The following LRRC4C variants were observed in gnomAD, a reference collection of about 807,000 sequenced individuals.
LRRC4C encodes the protein leucine rich repeat containing 4C.
A neutral mutation model predicts 33.6 loss-of-function variants in LRRC4C; 5 were observed. That is an observed-to-expected ratio of 0.15 (90% CI 0.08 to 0.31). The LOEUF is 0.31. Ranked by LOEUF, LRRC4C falls within the 10% of genes least tolerant of loss-of-function variation. The pLI is 1.00. For missense variants in LRRC4C, 560 were observed against 796.7 expected (o/e 0.70, Z 3.58); for synonymous variants, 329 against 302.0 (o/e 1.09, Z -0.93).
intron 3 of LRRC4C, among the ~76,000 whole-genome samples, chr11:40,498,964 T>C (rs1314794018): frequency 6.6e-6 from 1 of 152,170 alleles, no homozygotes; most frequent in Non-Finnish European, 1.5e-5. Flanking sequence ...AAGATTAGAA[T>C]TGTTCCTTTC....
intron 1 of LRRC4C, among the ~76,000 whole-genome samples, chr11:41,048,797 T>C (rs1021349087): frequency 4.6e-4 from 70 of 152,212 alleles, no homozygotes; most frequent in African/African-American, 1.7e-3. Context: ...TGTTGGACAC[T>C]ATAACAGATA....
chr11:41,014,647 C>T (rs1243662844), intron 1 of LRRC4C, among the ~76,000 whole-genome samples: 2 of 152,166 alleles, frequency 1.3e-5, no homozygotes, highest in South Asian at 2.1e-4. Context: ...TATTTAATCC[C>T]TTCTAGATGA....
chr11:40,860,723 G>T (rs967151630), intron 2 of LRRC4C, among the ~76,000 whole-genome samples: 8 of 142,902 alleles, frequency 5.6e-5, no homozygotes, highest in Non-Finnish European at 1.1e-4. Context: ...AATCCCATCT[G>T]CCTTAAGTCT....
intron 1 of LRRC4C, among the ~76,000 whole-genome samples, chr11:41,165,898 G>A (rs1235098172): frequency 1.3e-5 from 2 of 152,024 alleles, no homozygotes; most frequent in South Asian, 2.1e-4. Context: ...GGGCATGGTG[G>A]TGGGTGCCTG....
intron 3 of LRRC4C, among the ~76,000 whole-genome samples, chr11:40,503,357 G>T (rs538843018): frequency 2.2e-4 from 34 of 152,070 alleles, no homozygotes; most frequent in Non-Finnish European, 4.0e-4. Context: ...TATAGCACAT[G>T]GGCAATAAAT....
chr11:41,094,550 A>G (rs1298277858), intron 1 of LRRC4C, among the ~76,000 whole-genome samples: 1 of 152,008 alleles, frequency 6.6e-6, no homozygotes, highest in South Asian at 2.1e-4. Context: ...ATAAAAATAA[A>G]AGCACCTACT....
At chr11:40,122,376 TGC>T (rs1855889598) in intron 6 of LRRC4C, among the ~76,000 whole-genome samples, 2 of 152,142 alleles carry the variant, frequency 1.3e-5, no homozygotes, top group Admixed American at 1.3e-4. Context: ...AAGCCCCGCA[TGC>T]ATTAGCTATT....
intron 1 of LRRC4C, among the ~76,000 whole-genome samples, chr11:41,188,760 G>C (rs1218291549): frequency 1.3e-5 from 2 of 150,686 alleles, no homozygotes; most frequent in Non-Finnish European, 1.5e-5. Flanking sequence ...GAAATAAATG[G>C]TTTCTAAAAT....
At chr11:40,801,545 T>C (rs975984985) in intron 2 of LRRC4C, among the ~76,000 whole-genome samples, 29 of 152,246 alleles carry the variant, frequency 1.9e-4, no homozygotes, top group African/African-American at 6.5e-4. Context: ...CTGTATGCTG[T>C]ATCCTTTGAG....
intron 1 of LRRC4C, among the ~76,000 whole-genome samples, chr11:41,014,468 G>A (rs1855437387): frequency 2.1e-5 from 3 of 146,010 alleles, no homozygotes; most frequent in Middle Eastern, 3.5e-3. Context: ...TCACAGTACA[G>A]ATTATTTTTT....
At chr11:41,144,385 A>AT (rs1943643346) in intron 1 of LRRC4C, among the ~76,000 whole-genome samples, 2 of 152,278 alleles carry the variant, frequency 1.3e-5, no homozygotes, top group Admixed American at 6.5e-5. Context: ...GATTCCTAAT[A>AT]TTTTTTTCCT....
intron 3 of LRRC4C, among the ~76,000 whole-genome samples, chr11:40,504,679 T>TA (rs1954944705): frequency 6.6e-6 from 1 of 152,212 alleles, no homozygotes; most frequent in African/African-American, 2.4e-5. Context: ...TATTTTGGTC[T>TA]AAAATCAATA....
At chr11:41,222,194 G>T (rs1445824792) in intron 1 of LRRC4C, among the ~76,000 whole-genome samples, 2 of 152,132 alleles carry the variant, frequency 1.3e-5, no homozygotes, top group Admixed American at 1.3e-4. Context: ...CATATGGTTG[G>T]TTAAATCCTC....
At position 40,200,708 on chromosome 11, in the gene LRRC4C, G is replaced by A. The variant is rs111238180; in HGVS notation, c.-96+40811C>T. On this transcript the variant is annotated intron_variant, in intron 5 of 6. Transcript: ENST00000528697. The stretch of plus-strand genomic sequence containing the variant: ...TTGAACCCAGGAGGTGGGGGTTGCC[G>A]TGAGCTGAGGTCATGCCACTGCACC... 2.1e-3 allele frequency among the ~76,000 whole-genome samples: 293 copies of A among 139,908 alleles called. 3 individuals are homozygous for A. Among genetic ancestry groups the A allele is most frequent in the African/African-American group, 7.2e-3 (269 of 37,162 alleles). 91.8% of individuals were successfully genotyped at this position (139,908 alleles called of 152,430 possible). A position where few individuals can be genotyped will look rare whatever the true frequency, so the allele number is the denominator to read the frequency against.
chr11:41,102,818 G>C (rs1425647759), intron 1 of LRRC4C, among the ~76,000 whole-genome samples: 1 of 151,936 alleles, frequency 6.6e-6, no homozygotes, highest in Admixed American at 6.6e-5. Context: ...CATAAGTTAA[G>C]GCATAGGAAC....
chr11:40,775,775 C>G (rs1949967117), intron 2 of LRRC4C, among the ~76,000 whole-genome samples: 1 of 152,136 alleles, frequency 6.6e-6, no homozygotes, highest in African/African-American at 2.4e-5. Context: ...GTTTCTTTCT[C>G]TTGTCTGATT....
chr11:40,418,834 A>G (rs1950421554), intron 3 of LRRC4C, among the ~76,000 whole-genome samples: 1 of 152,200 alleles, frequency 6.6e-6, no homozygotes. Context: ...GCTGGAAGCC[A>G]TTATGGAAGC....
intron 5 of LRRC4C, among the ~76,000 whole-genome samples, chr11:40,170,087 A>G (rs1045604478): frequency 4.6e-5 from 7 of 152,228 alleles, no homozygotes; most frequent in African/African-American, 1.4e-4. Flanking sequence ...ACAGAGTTCT[A>G]TTTTAACTGT....
chr11:40,714,011 T>C (rs1010891382), intron 2 of LRRC4C, among the ~76,000 whole-genome samples: 1 of 152,200 alleles, frequency 6.6e-6, no homozygotes, highest in African/African-American at 2.4e-5. Flanking sequence ...TCTCTCAGAA[T>C]AATTGCTTTT....
Sources: allele counts gnomAD v4.1 joint callset (sites outside exome capture counted in the v4.1 genomes callset), GRCh38; gene constraint gnomAD v4.1.1; transcripts MANE v1.5; gene names NCBI Gene and HGNC (gene_info 2026-07-23, HGNC 2026-07-21).